Variants in PRKAR1B observed in about 807,000 individuals in gnomAD.
PRKAR1B encodes the protein cAMP-dependent protein kinase type I-beta regulatory subunit.
PRKAR1B carries 22 observed loss-of-function variants against 46.5 expected under a neutral mutation model. The ratio of observed to expected loss-of-function variants is 0.47; its 90% CI spans 0.34 to 0.68. The LOEUF is 0.68. Among genes scored for constraint, PRKAR1B ranks in the 30% least tolerant of loss-of-function variants. PRKAR1B has a pLI of 0.01. For missense variants in PRKAR1B, 445 were observed against 535.6 expected (o/e 0.83, Z 1.67); for synonymous variants, 259 against 217.7 (o/e 1.19, Z -1.67).
intron 2 of PRKAR1B, among the ~76,000 whole-genome samples, chr7:703,854 C>G (rs934489337): frequency 1.4e-4 from 22 of 151,912 alleles, no homozygotes; most frequent in Admixed American, 1.4e-3. Flanking sequence ...AGATTCAAAA[C>G]CATATAAGCT....
At chr7:715,780 A>C (rs1465232255) in intron 1 of PRKAR1B, among the ~76,000 whole-genome samples, 2 of 151,392 alleles carry the variant, frequency 1.3e-5, no homozygotes, top group African/African-American at 4.9e-5. Context: ...CAGTGGCGTG[A>C]TCTCTGCTCA....
At chr7:715,721 A>G (rs1045572466) in intron 1 of PRKAR1B, among the ~76,000 whole-genome samples, 1 of 146,238 alleles carries the variant, frequency 6.8e-6, no homozygotes, top group Non-Finnish European at 1.5e-5. Flanking sequence ...GCCACATTTT[A>G]TTTTTTTTTT....
At chr7:645,992 G>A (rs1784601558) in intron 4 of PRKAR1B, among the ~76,000 whole-genome samples, 1 of 152,234 alleles carries the variant, frequency 6.6e-6, no homozygotes, top group Non-Finnish European at 1.5e-5. Context: ...GAGGCCCACA[G>A]CTGAGATTCC....
Position 551,136 on chromosome 7 carries a change from T to A in PRKAR1B, c.973+253A>T, listed in dbSNP as rs71536283. Among the ~76,000 whole-genome samples the A allele has an allele frequency of 6.1e-3, 922 of 152,106 alleles. 3 individuals are homozygous for A. Among genetic ancestry groups the A allele is most frequent in the Middle Eastern group, 0.017 (5 of 292 alleles). ...CTCATCCCAGAAGCAGGAGGCTGCC[T>A]CCCCCAAGGTCATGCCCTCTGGGGG... On this transcript the variant is annotated intron_variant, in intron 10 of 10. Transcript: ENST00000537384.
intron 4 of PRKAR1B, among the ~76,000 whole-genome samples, chr7:637,806 C>T (rs1784199262): frequency 6.6e-6 from 1 of 152,108 alleles, no homozygotes; most frequent in African/African-American, 2.4e-5. Context: ...GCACTCCAGC[C>T]TGGGGGACAA....
intron 4 of PRKAR1B, among the ~76,000 whole-genome samples, chr7:661,648 T>C (rs1583377733): frequency 5.5e-5 from 1 of 18,180 alleles, no homozygotes; most frequent in Admixed American, 7.6e-4. Flanking sequence ...ATACCTACTC[T>C]CCCCCCCATG....
chr7:625,560 C>G (rs1261721743), intron 4 of PRKAR1B, among the ~76,000 whole-genome samples: 1 of 151,870 alleles, frequency 6.6e-6, no homozygotes, highest in African/African-American at 2.4e-5. Context: ...AGGGGCATAA[C>G]TACAGGTCCT....
chr7:685,052 A>G (rs1213571246), intron 2 of PRKAR1B, among the ~76,000 whole-genome samples: 4 of 151,776 alleles, frequency 2.6e-5, no homozygotes, highest in Non-Finnish European at 5.9e-5. Flanking sequence ...TTGATCCTCA[A>G]TGTGGTGATG....
chr7:683,482 C>G lies in PRKAR1B; in HGVS notation c.178-2756G>C, dbSNP rs535045283. ...GAGGAGTCTGAGACCCCAGCCCGCCCTGGCTTCCTGCGGACTCTGTAGCCA... is the reference window on the plus strand; with the variant it reads ...GAGGAGTCTGAGACCCCAGCCCGCCGTGGCTTCCTGCGGACTCTGTAGCCA... On this transcript the variant is annotated intron_variant, in intron 2 of 10. Coordinates refer to ENST00000537384, the MANE Select transcript of PRKAR1B (RefSeq NM_001164760.2). Among the ~76,000 whole-genome samples, 18 of 152,294 alleles carry G rather than the reference C, an allele frequency of 1.2e-4. No individual in the cohort carries two copies. In the South Asian group the frequency reaches 3.7e-3, roughly 32 times the overall value.
chr7:688,548 T>C (rs1779231026), intron 2 of PRKAR1B, among the ~76,000 whole-genome samples: 1 of 152,204 alleles, frequency 6.6e-6, no homozygotes, highest in Non-Finnish European at 1.5e-5. Context: ...ACCCCTCACC[T>C]GCCCCAGGGC....
In PRKAR1B at chr7:550,510, C is replaced by T. The variant is rs1784112779; in HGVS notation, c.1066G>A (p.Glu356Lys). The T allele has an allele frequency of 6.2e-7, 1 of 1,602,218 alleles. No homozygotes were observed. The highest frequency in any genetic ancestry group is 8.5e-7 in the Non-Finnish European group (1 of 1,175,044). The change falls in exon 11 of 11, where the codon GAG (glutamate) becomes AAG (lysine). Residue 356 changes from glutamate (E) to lysine (K), a missense_variant. Physicochemically the swap from Glu to Lys is moderately conservative, Grantham distance 56. Around this residue, in one of 5 missense-constraint regions of PRKAR1B, gnomAD observed 127 missense variants for 138.0 expected, o/e 0.92. Coordinates refer to ENST00000537384, the MANE Select transcript of PRKAR1B (RefSeq NM_001164760.2). ...KCVKLDRPRF[E>K]RVLGPCSEIL... Reference sequence around the variant, plus strand: ...TCAGAGCAGGGCCCCAGCACACGCTCGAAGCGGGGCCGGTCCAGCTTCACA... The same window carrying T: ...TCAGAGCAGGGCCCCAGCACACGCTTGAAGCGGGGCCGGTCCAGCTTCACA...
At chr7:649,559 C>T (rs1784789816) in intron 4 of PRKAR1B, among the ~76,000 whole-genome samples, 1 of 151,476 alleles carries the variant, frequency 6.6e-6, no homozygotes, top group African/African-American at 2.4e-5. Context: ...ATATGTAGCG[C>T]CTTATTTATT....
chr7:633,063 G>A (rs897606849), intron 4 of PRKAR1B, among the ~76,000 whole-genome samples: 3 of 152,226 alleles, frequency 2.0e-5, no homozygotes, highest in African/African-American at 7.2e-5. Flanking sequence ...CCATGCGTGT[G>A]AATTCATTCT....
At chr7:595,292 A>AG (rs1007725595) in intron 7 of PRKAR1B, among the ~76,000 whole-genome samples, 1 of 151,994 alleles carries the variant, frequency 6.6e-6, no homozygotes, top group Admixed American at 6.5e-5. Flanking sequence ...CCACCTTATC[A>AG]GGGGGGTCTC....
At chr7:567,900 T>G (rs1443376450) in intron 9 of PRKAR1B, among the ~76,000 whole-genome samples, 2 of 151,782 alleles carry the variant, frequency 1.3e-5, no homozygotes, top group Admixed American at 6.6e-5. Flanking sequence ...GAGTGTGTGT[T>G]TGGTGGGGAC....
intron 6 of PRKAR1B, among the ~76,000 whole-genome samples, chr7:599,244 C>G (rs890449773): frequency 1.3e-5 from 2 of 152,184 alleles, no homozygotes; most frequent in African/African-American, 4.8e-5. Flanking sequence ...GCGGGCCCCA[C>G]CCCAGCTGGT....
rs150254189 is a variant in PRKAR1B, at chr7:717,094, C to A, written c.-22-5567G>T. ...TCACCTGAGGCCAGGAGTTCGAGAC[C>A]AGCCTGGGCAACATGGTGAAACCCC... On this transcript the variant is annotated intron_variant, in intron 1 of 10. Coordinates refer to ENST00000537384, the MANE Select transcript of PRKAR1B (RefSeq NM_001164760.2). Among the ~76,000 whole-genome samples, 662 of 152,222 alleles carry A rather than the reference C, an allele frequency of 4.3e-3. 8 individuals are homozygous for A. The highest frequency in any genetic ancestry group is 0.015 in the African/African-American group (636 of 41,544).
At chr7:623,093 C>T (rs182387874) in intron 4 of PRKAR1B, among the ~76,000 whole-genome samples, 10 of 152,324 alleles carry the variant, frequency 6.6e-5, no homozygotes, top group Admixed American at 2.0e-4. Context: ...GGGATCCCAG[C>T]GCCCCAGACA....
chr7:576,606 C>G (rs976038156), intron 9 of PRKAR1B, among the ~76,000 whole-genome samples: 1 of 152,062 alleles, frequency 6.6e-6, no homozygotes, highest in African/African-American at 2.4e-5. Context: ...CCGTGTGGAG[C>G]TCCGTGAAGC....
Sources: allele counts gnomAD v4.1 joint callset (sites outside exome capture counted in the v4.1 genomes callset), GRCh38; gene constraint gnomAD v4.1.1; regional missense constraint gnomAD v4.1.1; transcripts MANE v1.5; gene names NCBI Gene and HGNC (gene_info 2026-07-23, HGNC 2026-07-21).